Variants in KCNIP4 observed in about 807,000 individuals in gnomAD.
KCNIP4 encodes Kv channel-interacting protein 4.
Under a neutral mutation model 34.0 loss-of-function variants are expected in KCNIP4, and 12 were observed. The observed-to-expected ratio is 0.35, with a 90% confidence interval of 0.23 to 0.57. The LOEUF is 0.57. Ranked by LOEUF, KCNIP4 falls within the 20% of genes least tolerant of loss-of-function variation. The pLI is 0.83. For synonymous variants in KCNIP4, 124 were observed against 102.2 expected (o/e 1.21, Z -1.29); for missense variants, 238 against 311.7 (o/e 0.76, Z 1.78).
chr4:21,703,096 A>T (rs1025149251), intron 1 of KCNIP4, among the ~76,000 whole-genome samples: 2 of 152,044 alleles, frequency 1.3e-5, no homozygotes, highest in Non-Finnish European at 2.9e-5. Context: ...GAATAGACAA[A>T]CTGCTTTACT....
chr4:21,155,775 T>C (rs567257021), intron 1 of KCNIP4, among the ~76,000 whole-genome samples: 1 of 152,178 alleles, frequency 6.6e-6, no homozygotes, highest in East Asian at 1.9e-4. Flanking sequence ...ATGAGTGGAC[T>C]AGCATTTGTT....
At chr4:21,900,669 T>A (rs1578125802) in intron 1 of KCNIP4, among the ~76,000 whole-genome samples, 1 of 152,202 alleles carries the variant, frequency 6.6e-6, no homozygotes, top group Non-Finnish European at 1.5e-5. Flanking sequence ...AAAATTTGCA[T>A]CTTAAGTTTT....
intron 1 of KCNIP4, among the ~76,000 whole-genome samples, chr4:21,416,562 A>C (rs1161707677): frequency 6.6e-6 from 1 of 152,214 alleles, no homozygotes; most frequent in Non-Finnish European, 1.5e-5. Flanking sequence ...GTTAACCATC[A>C]TTTAAGCATT....
intron 1 of KCNIP4, chr4:21,303,794 A>T (rs1712031723): frequency 1.2e-6 from 2 of 1,606,970 alleles, no homozygotes; most frequent in Non-Finnish European, 1.7e-6. Context: ...GTCACTAAAA[A>T]GCACTCCCTT....
chr4:21,203,506 T>A (rs1295996984), intron 1 of KCNIP4, among the ~76,000 whole-genome samples: 1 of 152,224 alleles, frequency 6.6e-6, no homozygotes, highest in Non-Finnish European at 1.5e-5. Context: ...CAGGTTGCAA[T>A]GCCTCATTAA....
chr4:20,899,848 T>A (rs951421415), intron 1 of KCNIP4, among the ~76,000 whole-genome samples: 1 of 152,134 alleles, frequency 6.6e-6, no homozygotes, highest in Non-Finnish European at 1.5e-5. Flanking sequence ...TCCAAGAACA[T>A]ATTCTTCAAA....
At chr4:21,106,629 C>T (rs1200660979) in intron 1 of KCNIP4, among the ~76,000 whole-genome samples, 1 of 151,444 alleles carries the variant, frequency 6.6e-6, no homozygotes. Context: ...TTATTTCCTG[C>T]CTTCTGCTAG....
intron 1 of KCNIP4, among the ~76,000 whole-genome samples, chr4:21,124,996 C>G (rs1376898499): frequency 6.6e-6 from 1 of 151,228 alleles, no homozygotes; most frequent in Non-Finnish European, 1.5e-5. Flanking sequence ...CCGGTGAAGT[C>G]AGCCCCACTT....
intron 3 of KCNIP4, among the ~76,000 whole-genome samples, chr4:20,803,470 C>CAAAAAAAAAAAAAAAAA (rs551176038): frequency 1.2e-5 from 1 of 85,902 alleles, no homozygotes; most frequent in African/African-American, 5.2e-5. Flanking sequence ...TCATCTTTAC[C>CAAAAAAAAAAAAAAAAA]AAAAAAAAAA....
chr4:21,321,750 G>T (rs1428261583), intron 1 of KCNIP4, among the ~76,000 whole-genome samples: 1 of 150,166 alleles, frequency 6.7e-6, no homozygotes, highest in East Asian at 2.0e-4. Context: ...AGTGGGGAAG[G>T]AGGGAAGGAA....
intron 1 of KCNIP4, among the ~76,000 whole-genome samples, chr4:20,991,010 ATAAC>A (rs1334496993): frequency 1.3e-5 from 2 of 152,220 alleles, no homozygotes; most frequent in Non-Finnish European, 2.9e-5. Context: ...TCTCAATAGA[ATAAC>A]TAATCATTAA....
At chr4:20,757,320 T>C (rs1362233990) in intron 4 of KCNIP4, among the ~76,000 whole-genome samples, 1 of 152,198 alleles carries the variant, frequency 6.6e-6, no homozygotes, top group Non-Finnish European at 1.5e-5. Context: ...AGTAATCTTC[T>C]AATTAGTCTC....
intron 1 of KCNIP4, among the ~76,000 whole-genome samples, chr4:21,808,587 G>C: frequency 6.6e-6 from 1 of 152,130 alleles, no homozygotes; most frequent in East Asian, 1.9e-4. Context: ...GTTAAGTTTT[G>C]AGGGGGAGTC....
intron 3 of KCNIP4, among the ~76,000 whole-genome samples, chr4:20,799,237 A>T (rs1254054421): frequency 6.6e-6 from 1 of 152,146 alleles, no homozygotes; most frequent in African/African-American, 2.4e-5. Flanking sequence ...GGGATTTCAG[A>T]TATTCTGCAC....
intron 1 of KCNIP4, among the ~76,000 whole-genome samples, chr4:21,773,199 G>T (rs1405453254): frequency 6.6e-6 from 1 of 152,162 alleles, no homozygotes; most frequent in African/African-American, 2.4e-5. Context: ...AGAGCAGGCT[G>T]TCCAATTTCC....
chr4:21,946,752 G>GA (rs1464461687), intron 1 of KCNIP4, among the ~76,000 whole-genome samples: 1 of 152,160 alleles, frequency 6.6e-6, no homozygotes, highest in East Asian at 1.9e-4. Context: ...TTCTCAGCCA[G>GA]AAAACTCATC....
intron 1 of KCNIP4, among the ~76,000 whole-genome samples, chr4:21,149,299 T>A (rs1752597474): frequency 6.6e-6 from 1 of 152,162 alleles, no homozygotes; most frequent in Admixed American, 6.5e-5. Context: ...TCCTAGGAAG[T>A]GGGAATTAAA....
At chr4:20,773,561 A>G (rs1378344515) in intron 3 of KCNIP4, among the ~76,000 whole-genome samples, 1 of 152,090 alleles carries the variant, frequency 6.6e-6, no homozygotes, top group Non-Finnish European at 1.5e-5. Flanking sequence ...TGGACCAAAC[A>G]TTCTTAGGGT....
At chr4:21,235,317 G>A (rs1429882963) in intron 1 of KCNIP4, among the ~76,000 whole-genome samples, 2 of 152,140 alleles carry the variant, frequency 1.3e-5, no homozygotes, top group African/African-American at 4.8e-5. Flanking sequence ...GCTGATGGGA[G>A]CTTGAGAACT....
Sources: allele counts gnomAD v4.1 joint callset (sites outside exome capture counted in the v4.1 genomes callset), GRCh38; gene constraint gnomAD v4.1.1; transcripts MANE v1.5; gene names NCBI Gene and HGNC (gene_info 2026-07-23, HGNC 2026-07-21).